The following LCMT1 variants were observed in gnomAD, a reference collection of about 807,000 sequenced individuals.
LCMT1 encodes the protein leucine carboxyl methyltransferase 1, also known as [Phosphatase 2A protein]-leucine-carboxy methyltransferase 1.
A neutral mutation model predicts 47.7 loss-of-function variants in LCMT1; 32 were observed. The ratio of observed to expected loss-of-function variants is 0.67; its 90% CI spans 0.51 to 0.90. The LOEUF (loss-of-function observed/expected upper bound fraction) is 0.90, where lower values mean the gene tolerates loss of function less well. Ranked by LOEUF, LCMT1 falls within the 40% of genes least tolerant of loss-of-function variation. The pLI, the probability that LCMT1 is intolerant of heterozygous loss-of-function variation, is 0.00. For missense variants in LCMT1, 375 were observed against 415.2 expected, an observed-to-expected ratio of 0.90 and a Z score of 0.84; for synonymous variants, 152 against 149.7, an observed-to-expected ratio of 1.02 and a Z score of -0.11.
At chr16:25,125,562 C>T (rs906044478) in intron 1 of LCMT1, among the ~76,000 whole-genome samples, 2 of 152,026 alleles carry the variant, frequency 1.3e-5, no homozygotes, top group Non-Finnish European at 2.9e-5. Flanking sequence ...GGGTCGGGCG[C>T]GGTGGCTCAC....
At chr16:25,116,908 G>A (rs114705234) in intron 1 of LCMT1, among the ~76,000 whole-genome samples, 142 of 151,774 alleles carry the variant, frequency 9.4e-4, no homozygotes, top group African/African-American at 3.3e-3. Context: ...AAAAAAAAGA[G>A]ATAAACCAGA....
At chr16:25,137,987 T>C (rs1046364749) in intron 3 of LCMT1, among the ~76,000 whole-genome samples, 2 of 152,142 alleles carry the variant, frequency 1.3e-5, no homozygotes, top group African/African-American at 4.8e-5. Flanking sequence ...CTCCATCTCT[T>C]GTTACTGTCT....
chr16:25,166,004 A>G (rs1961577294), intron 7 of LCMT1, among the ~76,000 whole-genome samples: 1 of 151,852 alleles, frequency 6.6e-6, no homozygotes, highest in Non-Finnish European at 1.5e-5. Flanking sequence ...GCGGTGGCTC[A>G]CGCCTGTGAT....
intron 5 of LCMT1, among the ~76,000 whole-genome samples, chr16:25,152,348 C>T (rs918803351): frequency 3.3e-5 from 5 of 152,152 alleles, no homozygotes; most frequent in Non-Finnish European, 2.9e-5. Flanking sequence ...CCCATCCTGA[C>T]GTGGCCAAGA....
chr16:25,173,844 A>C (rs980714789), intron 9 of LCMT1, among the ~76,000 whole-genome samples: 1 of 151,600 alleles, frequency 6.6e-6, no homozygotes, highest in South Asian at 2.1e-4. Context: ...TGCTCCTGGC[A>C]AACAGAAACT....
intron 1 of LCMT1, among the ~76,000 whole-genome samples, chr16:25,127,713 C>T (rs953718917): frequency 6.6e-6 from 1 of 152,192 alleles, no homozygotes; most frequent in Non-Finnish European, 1.5e-5. Context: ...GGTGAAGGCA[C>T]TTATCTCACA....
intron 2 of LCMT1, chr16:25,132,114 G>A (rs765659258): frequency 4.4e-6 from 2 of 450,700 alleles, no homozygotes; most frequent in Non-Finnish European, 4.3e-6. Context: ...GACTTTAGAC[G>A]TTTCAATGTA....
chr16:25,172,541 CTG>C lies in LCMT1; in HGVS notation c.884+1739_884+1740del, dbSNP rs1266463019. ...TTCAGCTCTTTTTTTTGTAATCACT[CTG>C]TGCTTCCTGATTCATGCTTCCTTCT... On this transcript the variant is annotated intron_variant, in intron 9 of 10. Transcript: ENST00000399069. Among the ~76,000 whole-genome samples the C allele has an allele frequency of 4.6e-5, 7 of 152,328 alleles. No homozygotes were observed. In the East Asian group the frequency reaches 1.3e-3, roughly 29 times the overall value.
chr16:25,160,725 C>T (rs554390773), intron 5 of LCMT1: 1 of 519,378 alleles, frequency 1.9e-6, no homozygotes. Flanking sequence ...GCTATGAAAT[C>T]ATTATACAGA....
chr16:25,133,139 G>T (rs1389692471), intron 3 of LCMT1, among the ~76,000 whole-genome samples: 1 of 152,020 alleles, frequency 6.6e-6, no homozygotes, highest in African/African-American at 2.4e-5. Flanking sequence ...GGGATTATAG[G>T]CATTAGCCAC....
In LCMT1 at chr16:25,164,588, T is replaced by C. The variant is rs1254554601; in HGVS notation, c.570-10T>C. On this transcript the variant is annotated splice_polypyrimidine_tract_variant and intron_variant, in intron 6 of 10. Transcript: ENST00000399069. ...ACAAATTTATGTGCCTTTTTTTCCTTATCTTTAAGATTGCCAACACTCCTG... is the reference window on the plus strand; with the variant it reads ...ACAAATTTATGTGCCTTTTTTTCCTCATCTTTAAGATTGCCAACACTCCTG... 5 of 1,613,880 alleles carry C rather than the reference T, an allele frequency of 3.1e-6. No homozygotes were observed. In the South Asian group the frequency reaches 4.4e-5, roughly 14 times the overall value.
At chr16:25,152,336 C>G (rs1304426076) in intron 5 of LCMT1, among the ~76,000 whole-genome samples, 1 of 152,178 alleles carries the variant, frequency 6.6e-6, no homozygotes, top group African/African-American at 2.4e-5. Flanking sequence ...GGCATCTGAC[C>G]TCCCATCCTG....
At chr16:25,113,082 A>C (rs1328688893) in intron 1 of LCMT1, among the ~76,000 whole-genome samples, 2 of 143,532 alleles carry the variant, frequency 1.4e-5, no homozygotes, top group Non-Finnish European at 3.0e-5. Flanking sequence ...CAGAGGTTGC[A>C]GTGAGCCAAG....
chr16:25,159,433 A>T (rs1374719942), intron 5 of LCMT1, among the ~76,000 whole-genome samples: 1 of 152,154 alleles, frequency 6.6e-6, no homozygotes, highest in Non-Finnish European at 1.5e-5. Flanking sequence ...CACCTAGCTA[A>T]TTTTTTAAAT....
chr16:25,122,610 C>T (rs946480131), intron 1 of LCMT1, among the ~76,000 whole-genome samples: 5 of 149,764 alleles, frequency 3.3e-5, no homozygotes, highest in African/African-American at 4.9e-5. Context: ...ATTACAGGTG[C>T]GAGCCACTGC....
In LCMT1 at chr16:25,126,580, C is replaced by T. The variant is rs57004923; in HGVS notation, c.114-1895C>T. 9.8e-3 allele frequency among the ~76,000 whole-genome samples: 1,495 copies of T among 152,250 alleles called. 20 individuals carry two copies. The highest frequency in any genetic ancestry group is 0.034 in the African/African-American group (1,432 of 41,536). ...GCCTCTCCTTTCTCTCCTTGTTTAC[C>T]ACTGTACCCCCAGTGCCTAGCACTT... is the stretch of plus-strand genomic sequence containing the variant. On this transcript the variant is annotated intron_variant, in intron 1 of 10. Coordinates refer to ENST00000399069, the MANE Select transcript of LCMT1 (RefSeq NM_016309.3).
intron 9 of LCMT1, 36 bp from the exon 10 acceptor site, chr16:25,174,901 G>C (rs757678813): frequency 9.0e-7 from 1 of 1,116,500 alleles, no homozygotes; most frequent in Admixed American, 2.4e-5. Context: ...TTTCAATGCA[G>C]ACACTTGCAT....
chr16:25,171,731 GCTT>G (rs1338050763), intron 9 of LCMT1, among the ~76,000 whole-genome samples: 2 of 152,172 alleles, frequency 1.3e-5, no homozygotes, highest in East Asian at 3.9e-4. Flanking sequence ...GGAAATCTAT[GCTT>G]CTTGTTCTAA....
rs773213613 is a variant in LCMT1 at position 25,140,153 on chromosome 16, TTG to T, written c.328-12_328-11del. 9.5e-6 allele frequency: 15 copies of T among 1,572,850 alleles called. No homozygotes were observed. Among genetic ancestry groups the T allele is most frequent in the Non-Finnish European group, 1.7e-6 (2 of 1,147,544 alleles). On this transcript the variant is annotated splice_polypyrimidine_tract_variant and intron_variant, in intron 3 of 10. Coordinates refer to ENST00000399069, the MANE Select transcript of LCMT1 (RefSeq NM_016309.3). Reference sequence around the variant, plus strand: ...TGTAAGAGTAAAGAAATAAAAAGTATTGTGTGTTTTTCCCCAGGATGAAGATC... The same window carrying T: ...TGTAAGAGTAAAGAAATAAAAAGTATTGTGTTTTTCCCCAGGATGAAGATC...
Sources: gnomAD v4.1 joint callset for allele counts (sites outside exome capture counted in the v4.1 genomes callset) on GRCh38, gnomAD v4.1.1 for gene constraint, MANE v1.5 for transcripts, NCBI Gene and HGNC (gene_info 2026-07-23, HGNC 2026-07-21) for gene names.